The following SOCS7 variants were observed in gnomAD, a reference collection of about 807,000 sequenced individuals.
SOCS7 encodes the protein NAP-4.
In SOCS7, 18 loss-of-function variants were observed where a neutral mutation model predicts 58.9. The observed-to-expected ratio is 0.31, with a 90% CI of 0.21 to 0.45. The LOEUF is 0.45. Ranked by LOEUF, SOCS7 falls within the 20% of genes least tolerant of loss-of-function variation. SOCS7 has a pLI of 1.00. For missense variants in SOCS7, 667 were observed against 837.3 expected (o/e 0.80, Z 2.51); for synonymous variants, 388 against 364.3 (o/e 1.06, Z -0.74).
Position 38,352,228 on chromosome 17 carries a change from C to T in SOCS7, c.176C>T (p.Ser59Phe). Residue 59 changes from serine (S) to phenylalanine (F), a missense_variant, in exon 1 of 10, where the codon TCC (serine) becomes TTC (phenylalanine). Coordinates refer to ENST00000612932, the MANE Select transcript of SOCS7 (RefSeq NM_014598.4). The surrounding 1 kb of genome is among the most constrained non-coding windows in gnomAD (Gnocchi z 5.5). ...PFLARPGPRG[S>F]RPPQLMVFRN... ...CTCGCGCGGCCCGGCCCGCGGGGCT[C>T]CCGGCCGCCGCAGCTGATGGTGTTC... The T allele has an allele frequency of 1.5e-6, 2 of 1,376,334 alleles. No homozygotes were observed. Among genetic ancestry groups the T allele is most frequent in the Non-Finnish European group, 1.9e-6 (2 of 1,071,950 alleles). 85.3% of individuals were successfully genotyped at this position (1,376,334 alleles called of 1,614,324 possible).
At chr17:38,365,466 C>G in intron 4 of SOCS7, 57 bp downstream of exon 4, 4 of 1,140,362 alleles carry the variant, frequency 3.5e-6, no homozygotes, top group Non-Finnish European at 5.1e-6. Context: ...GTGATACTTT[C>G]TACCATAGAA....
chr17:38,354,113 C>T (rs1272539954), intron 1 of SOCS7, among the ~76,000 whole-genome samples: 1 of 152,144 alleles, frequency 6.6e-6, no homozygotes, highest in South Asian at 2.1e-4. Flanking sequence ...ACATCTGTAG[C>T]GTTGGTTTAC....
chr17:38,370,863 C>T (rs2037854103), intron 6 of SOCS7, among the ~76,000 whole-genome samples: 1 of 151,348 alleles, frequency 6.6e-6, no homozygotes, highest in Admixed American at 6.6e-5. Context: ...ATTGGCCAAG[C>T]TTGTCTCGAA....
At chr17:38,371,020 T>A (rs142574047) in intron 6 of SOCS7, among the ~76,000 whole-genome samples, 1 of 152,194 alleles carries the variant, frequency 6.6e-6, no homozygotes, top group Non-Finnish European at 1.5e-5. Context: ...CATTTGTCTT[T>A]GTCTTTTTTA....
rs568820281 is a variant in SOCS7, at chr17:38,403,786, G to A, written c.*4304G>A. 2.3e-4 allele frequency: 35 copies of A among 152,200 alleles called. No individual in the cohort carries two copies. The highest frequency in any genetic ancestry group is 7.2e-4 in the African/African-American group (30 of 41,514). 9.4% of individuals were successfully genotyped at this position (152,200 alleles called of 1,614,324 possible). ...AGACATTTTCCCTATGGGAATCCTC[G>A]GTTTGGTTTGTGGGAAAGGAGGGAA... is the stretch of plus-strand genomic sequence containing the variant. On this transcript the variant is annotated 3_prime_UTR_variant, in exon 10 of 10. Transcript: ENST00000612932.
At chr17:38,376,342 T>C (rs1268026243) in intron 6 of SOCS7, among the ~76,000 whole-genome samples, 1 of 152,062 alleles carries the variant, frequency 6.6e-6, no homozygotes, top group Non-Finnish European at 1.5e-5. Flanking sequence ...CTCTGGGATA[T>C]GGGAGGAAAC....
chr17:38,396,089 C>A, intron 9 of SOCS7, 91 bp downstream of exon 9: 1 of 1,091,846 alleles, frequency 9.2e-7, no homozygotes, highest in Non-Finnish European at 1.3e-6. Flanking sequence ...CCACAACTCC[C>A]AACATGGATA....
intron 1 of SOCS7, among the ~76,000 whole-genome samples, chr17:38,359,282 C>T (rs1324567053): frequency 6.6e-6 from 1 of 152,150 alleles, no homozygotes; most frequent in South Asian, 2.1e-4. Context: ...AACTGTGTGG[C>T]CATATCTTAT....
Position 38,352,495 on chromosome 17 carries a change from CGTGT to C in SOCS7, c.444_447del (p.Cys149LeufsTer90), listed in dbSNP as rs2037568402. The C allele has an allele frequency of 1.3e-6, 2 of 1,536,302 alleles. No homozygotes were observed. Among genetic ancestry groups the C allele is most frequent in the African/African-American group, 2.8e-5 (2 of 72,664 alleles). On this transcript the variant is annotated frameshift_variant, in exon 1 of 10. Transcript: ENST00000612932. LOFTEE classifies it high-confidence loss of function. The surrounding 1 kb of genome is among the most constrained non-coding windows in gnomAD (Gnocchi z 5.5). ...GTCGGTGGGGGTTGCTGCCCGTGTCCGTGTCCTCCTCAGCCGCCCCCTCCGCAGC... is the reference window on the plus strand; with the variant it reads ...GTCGGTGGGGGTTGCTGCCCGTGTCCCCTCCTCAGCCGCCCCCTCCGCAGC...
At chr17:38,398,681 G>A (rs2144411087) in intron 9 of SOCS7, among the ~76,000 whole-genome samples, 1 of 152,292 alleles carries the variant, frequency 6.6e-6, no homozygotes, top group Non-Finnish European at 1.5e-5. Context: ...CAGGGGGTTT[G>A]GAGTCAGACT....
At chr17:38,396,169 C>T (rs1269736671) in intron 9 of SOCS7, among the ~76,000 whole-genome samples, 171 bp downstream of exon 9, 4 of 152,212 alleles carry the variant, frequency 2.6e-5, no homozygotes, top group African/African-American at 9.6e-5. Flanking sequence ...GCACACACCC[C>T]ATTTGGGAGA....
At chr17:38,363,501 A>C (rs2037747100) in intron 2 of SOCS7, among the ~76,000 whole-genome samples, 1 of 152,054 alleles carries the variant, frequency 6.6e-6, no homozygotes, top group African/African-American at 2.4e-5. Flanking sequence ...ATACCTGAAT[A>C]ATTTTTATAT....
chr17:38,376,603 G>T (rs1376850538), intron 6 of SOCS7, among the ~76,000 whole-genome samples: 1 of 152,028 alleles, frequency 6.6e-6, no homozygotes, highest in South Asian at 2.1e-4. Flanking sequence ...GTGGTGGCAG[G>T]TGCCTGTAAT....
intron 2 of SOCS7, among the ~76,000 whole-genome samples, chr17:38,363,767 G>A (rs1026338159): frequency 2.6e-5 from 4 of 152,008 alleles, no homozygotes; most frequent in Admixed American, 6.6e-5. Flanking sequence ...TTTTCTTAAC[G>A]GGGAAACATT....
At chr17:38,359,092 C>T (rs1555567224) in intron 1 of SOCS7, among the ~76,000 whole-genome samples, 2 of 152,144 alleles carry the variant, frequency 1.3e-5, no homozygotes, top group African/African-American at 4.8e-5. Flanking sequence ...TTTGAAAGGC[C>T]AGTGCTTCAG....
chr17:38,357,397 C>T (rs1432655372), intron 1 of SOCS7, among the ~76,000 whole-genome samples: 3 of 152,118 alleles, frequency 2.0e-5, no homozygotes, highest in East Asian at 1.9e-4. Flanking sequence ...TCCTTTAGAA[C>T]GAACTCCTGG....
chr17:38,353,239 A>G (rs993881849), intron 1 of SOCS7, among the ~76,000 whole-genome samples: 3 of 152,140 alleles, frequency 2.0e-5, no homozygotes, highest in East Asian at 3.9e-4. Flanking sequence ...ACTCCGTGAC[A>G]CTTCTCAGCT....
chr17:38,382,590 A>G (rs1242585698), intron 7 of SOCS7, among the ~76,000 whole-genome samples: 1 of 151,850 alleles, frequency 6.6e-6, no homozygotes, highest in Non-Finnish European at 1.5e-5. Flanking sequence ...CCGAGTTCAA[A>G]CGATTCTCCT....
intron 7 of SOCS7, among the ~76,000 whole-genome samples, chr17:38,394,153 C>G (rs915569450): frequency 2.6e-5 from 4 of 152,212 alleles, no homozygotes; most frequent in Non-Finnish European, 5.9e-5. Flanking sequence ...TGTCTCCATG[C>G]TGTGGCGTGG....
Sources: gnomAD v4.1 joint callset for allele counts (sites outside exome capture counted in the v4.1 genomes callset) on GRCh38, gnomAD v4.1.1 for gene constraint, Gnocchi (gnomAD v3.1) non-coding constraint, MANE v1.5 for transcripts, NCBI Gene and HGNC (gene_info 2026-07-23, HGNC 2026-07-21) for gene names.